CAST: variants seen among roughly 807,000 people sequenced by gnomAD.
The protein encoded by CAST is calpastatin.
CAST carries 76 observed loss-of-function variants against 119.6 expected under a neutral mutation model. That is an observed-to-expected ratio of 0.64 (90% CI 0.53 to 0.77). The LOEUF is 0.77. CAST is among the 30% of genes least tolerant of loss of function. The probability of loss-of-function intolerance (pLI) is 0.00; values close to 1 mark genes in which losing one functional copy is unlikely to be tolerated. For missense variants in CAST, 953 were observed against 946.5 expected (o/e 1.01, Z -0.09); for synonymous variants, 319 against 331.6 (o/e 0.96, Z 0.41).
At chr5:96,420,239 G>A in the CAST span, among the ~76,000 whole-genome samples, 3 of 152,220 alleles carry the variant, frequency 2.0e-5, no homozygotes, top group Admixed American at 6.5e-5. Context: ...AGAGAGGTAA[G>A]TGATTTCTCC....
chr5:96,485,462 A>T, the CAST span, among the ~76,000 whole-genome samples: 1 of 152,198 alleles, frequency 6.6e-6, no homozygotes, highest in African/African-American at 2.4e-5. Flanking sequence ...GGTTAAAATT[A>T]AAAAGTAAAG....
rs772316435 is a variant in CAST at position 96,741,378 on chromosome 5, T to G, written c.1011+20T>G. ...AAAGAGGTATTGTTTTTAGTGTTGT[T>G]AAGGGAAACTTGTTAGGAACTATTT... On this transcript the variant is annotated intron_variant, in intron 14 of 31. Coordinates refer to ENST00000675179, the MANE Select transcript of CAST (RefSeq NM_001750.7). The G allele has an allele frequency of 4.5e-6, 7 of 1,557,434 alleles. No individual in the cohort carries two copies. Among genetic ancestry groups the G allele is most frequent in the Non-Finnish European group, 6.2e-6 (7 of 1,128,846 alleles).
rs574740028 is a variant in CAST at position 96,639,621 on chromosome 5, C to T, written c.61-35918C>T. 5.3e-5 allele frequency among the ~76,000 whole-genome samples: 8 copies of T among 152,230 alleles called. No individual in the cohort carries two copies. The East Asian group carries it at 5.8e-4, about 11-fold the overall frequency. ...CTCGTAGACAAGTGGTGCCTGGCCC[C>T]GGGAGGAGGGCCCTCTCAAAGGCGA... On this transcript the variant is annotated intron_variant, in intron 1 of 11. Transcript: ENST00000505143.
chr5:96,727,258 A>C (rs908560404), intron 5 of CAST, among the ~76,000 whole-genome samples: 4 of 152,240 alleles, frequency 2.6e-5, no homozygotes, highest in Non-Finnish European at 4.4e-5. Flanking sequence ...GGAGATATAA[A>C]TTGCTCCCTG....
At chr5:96,321,175 T>C in the CAST span, among the ~76,000 whole-genome samples, 1 of 152,160 alleles carries the variant, frequency 6.6e-6, no homozygotes, top group Non-Finnish European at 1.5e-5. Context: ...TGGGACCAGA[T>C]AATTTTTTGT....
chr5:96,214,298 G>A, the CAST span, among the ~76,000 whole-genome samples: 1 of 152,154 alleles, frequency 6.6e-6, no homozygotes, highest in African/African-American at 2.4e-5. Context: ...TTTCCGGAGA[G>A]TTGTGAAGTT....
chr5:96,536,128 C>T (rs139316288), intron 1 of CAST, among the ~76,000 whole-genome samples: 2,054 of 138,600 alleles, frequency 0.015, 27 homozygotes, highest in Middle Eastern at 0.094. Flanking sequence ...GAGGCCTAGG[C>T]GGGTGAATCA....
the CAST span, among the ~76,000 whole-genome samples, chr5:96,111,509 GT>G: frequency 1.3e-5 from 2 of 152,192 alleles, no homozygotes; most frequent in East Asian, 3.8e-4. Flanking sequence ...TAAACACACA[GT>G]TGGTTCCTCT....
intron 1 of CAST, among the ~76,000 whole-genome samples, chr5:96,604,120 C>T (rs531342350): frequency 2.6e-5 from 4 of 152,178 alleles, no homozygotes; most frequent in African/African-American, 9.6e-5. Context: ...AGCATCACCG[C>T]ATGAGTAATG....
At chr5:96,397,575 A>G in the CAST span, 1 of 1,062,114 alleles carries the variant, frequency 9.4e-7, no homozygotes, top group African/African-American at 1.6e-5. Context: ...GAGTTCTCCT[A>G]ATTTTCTCTT....
the CAST span, among the ~76,000 whole-genome samples, chr5:95,984,640 T>G: frequency 6.6e-6 from 1 of 152,156 alleles, no homozygotes; most frequent in Admixed American, 6.5e-5. Context: ...CAATAATATA[T>G]ATTTTTTGGC....
the CAST span, among the ~76,000 whole-genome samples, chr5:96,432,428 A>G: frequency 1.3e-5 from 2 of 152,162 alleles, no homozygotes; most frequent in Non-Finnish European, 2.9e-5. Context: ...TGATGCTGCC[A>G]TATTGAAAAG....
the CAST span, among the ~76,000 whole-genome samples, chr5:96,000,820 A>G: frequency 2.0e-5 from 3 of 152,250 alleles, no homozygotes; most frequent in African/African-American, 7.2e-5. Context: ...ACTAATAAAG[A>G]GTTCAGATAT....
the CAST span, among the ~76,000 whole-genome samples, chr5:96,272,850 C>T: frequency 6.6e-6 from 1 of 152,144 alleles, no homozygotes; most frequent in Middle Eastern, 3.4e-3. Context: ...GCAATTATTT[C>T]ATGTAGCCTC....
At chr5:95,989,831 A>T in the CAST span, among the ~76,000 whole-genome samples, 1 of 152,198 alleles carries the variant, frequency 6.6e-6, no homozygotes, top group Non-Finnish European at 1.5e-5. Context: ...AGATGAACCC[A>T]TTCAGAACAG....
chr5:96,620,881 G>A (rs1747589861), intron 1 of CAST, among the ~76,000 whole-genome samples: 1 of 152,212 alleles, frequency 6.6e-6, no homozygotes, highest in African/African-American at 2.4e-5. Context: ...ATTTAGTAAA[G>A]CTCCTTCCTC....
chr5:96,495,092 T>C, the CAST span, among the ~76,000 whole-genome samples: 2 of 137,144 alleles, frequency 1.5e-5, no homozygotes, highest in Non-Finnish European at 3.0e-5. Context: ...ACCATTGCAC[T>C]CCAGCCTGGG....
intron 1 of CAST, among the ~76,000 whole-genome samples, chr5:96,623,080 G>T (rs1310963028): frequency 6.6e-6 from 1 of 151,722 alleles, no homozygotes; most frequent in Non-Finnish European, 1.5e-5. Context: ...TGGCCAGGCT[G>T]GTCTCGAACT....
At chr5:96,177,162 T>G in the CAST span, among the ~76,000 whole-genome samples, 1 of 152,212 alleles carries the variant, frequency 6.6e-6, no homozygotes, top group Non-Finnish European at 1.5e-5. Context: ...CTCTGCACTT[T>G]ACCAACGGAG....
Sources: gnomAD v4.1 joint callset for allele counts (sites outside exome capture counted in the v4.1 genomes callset) on GRCh38, gnomAD v4.1.1 for gene constraint, MANE v1.5 for transcripts, NCBI Gene and HGNC (gene_info 2026-07-23, HGNC 2026-07-21) for gene names.